The following TBCK variants were observed in gnomAD, a reference collection of about 807,000 sequenced individuals.
TBCK encodes the protein TBC domain-containing protein kinase-like protein.
In TBCK, 99 loss-of-function variants were observed where a neutral mutation model predicts 113.4. That is an observed-to-expected ratio of 0.87 (90% CI 0.74 to 1.03). The LOEUF is 1.03. Ranked by LOEUF, TBCK falls within the 50% of genes least tolerant of loss-of-function variation. The pLI is 0.00. For synonymous variants in TBCK, 369 were observed against 370.8 expected (o/e 1.00, Z 0.05); for missense variants, 1,045 against 1,061.3 (o/e 0.98, Z 0.21).
At chr4:106,241,267 T>C (rs571403099) in intron 12 of TBCK, among the ~76,000 whole-genome samples, 2 of 151,744 alleles carry the variant, frequency 1.3e-5, no homozygotes, top group Admixed American at 1.3e-4. Flanking sequence ...ATAAATGACA[T>C]ATTTATTTAA....
chr4:106,076,303 C>A (rs1055402370), intron 25 of TBCK, among the ~76,000 whole-genome samples: 7 of 152,014 alleles, frequency 4.6e-5, no homozygotes, highest in Admixed American at 6.6e-5. Context: ...TACTTGGAAC[C>A]TAAACATGTG....
intron 24 of TBCK, among the ~76,000 whole-genome samples, chr4:106,111,191 C>T (rs775815565): frequency 1.4e-4 from 21 of 152,060 alleles, no homozygotes; most frequent in Admixed American, 3.9e-4. Context: ...ATGAATTAGC[C>T]GAGGAGCAAT....
intron 25 of TBCK, among the ~76,000 whole-genome samples, chr4:106,068,146 A>ATT (rs1736874367): frequency 6.7e-6 from 1 of 149,866 alleles, no homozygotes; most frequent in South Asian, 2.1e-4. Flanking sequence ...ATTTCTTTTT[A>ATT]TTTTATTTTT....
intron 3 of TBCK, among the ~76,000 whole-genome samples, chr4:106,281,163 A>G (rs1764549717): frequency 6.6e-6 from 1 of 151,692 alleles, no homozygotes; most frequent in African/African-American, 2.4e-5. Context: ...ATTTTATTTT[A>G]TTTGTAGCTA....
At chr4:106,053,849 T>C (rs1461867734) in intron 25 of TBCK, among the ~76,000 whole-genome samples, 1 of 151,746 alleles carries the variant, frequency 6.6e-6, no homozygotes, top group Non-Finnish European at 1.5e-5. Flanking sequence ...ATCTAACTAA[T>C]AAACCTGGAT....
At chr4:106,084,904 C>A (rs1739321173) in intron 25 of TBCK, among the ~76,000 whole-genome samples, 1 of 152,140 alleles carries the variant, frequency 6.6e-6, no homozygotes, top group Non-Finnish European at 1.5e-5. Flanking sequence ...TCATTACCAC[C>A]AGGTCAGTCC....
rs773566416 is a variant in TBCK at position 106,046,594 on chromosome 4, G to A, written c.2658C>T (p.Leu886=). 3 of 1,607,214 alleles carry A rather than the reference G, an allele frequency of 1.9e-6. No homozygotes were observed. The highest frequency in any genetic ancestry group is 4.5e-5 in the East Asian group (2 of 44,816). The change falls in exon 26 of 26, where the codon CTC becomes CTT. Residue 886 remains leucine, a synonymous_variant. Transcript: ENST00000394708. ...TTCATATTTGAGGAGATGGGATGGT[G>A]AGGAGGCCTGTTGGCTTTATTTTAT... ...GINKIKPTGL[L]TIPSPQI is the part of the protein sequence containing the mutation.
At chr4:106,258,989 G>T (rs541677401) in intron 5 of TBCK, among the ~76,000 whole-genome samples, 1 of 151,794 alleles carries the variant, frequency 6.6e-6, no homozygotes, top group Non-Finnish European at 1.5e-5. Flanking sequence ...GTAAGACTAC[G>T]AATTTATGTA....
At chr4:106,285,910 T>A (rs1302304628) in intron 3 of TBCK, among the ~76,000 whole-genome samples, 1 of 152,222 alleles carries the variant, frequency 6.6e-6, no homozygotes, top group African/African-American at 2.4e-5. Context: ...TTGCAGTACA[T>A]CAACTCTACA....
chr4:106,289,559 A>G (rs1765460398), intron 3 of TBCK, among the ~76,000 whole-genome samples: 2 of 152,066 alleles, frequency 1.3e-5, no homozygotes, highest in African/African-American at 4.8e-5. Flanking sequence ...TCATGAGGTC[A>G]GGAGTTCGAG....
At chr4:106,055,167 A>G (rs1461515020) in intron 25 of TBCK, among the ~76,000 whole-genome samples, 1 of 151,596 alleles carries the variant, frequency 6.6e-6, no homozygotes, top group African/African-American at 2.4e-5. Context: ...GCTCCATGCT[A>G]TCATAATCAG....
At chr4:106,295,832 T>C (rs1185671466) in intron 2 of TBCK, among the ~76,000 whole-genome samples, 1 of 152,200 alleles carries the variant, frequency 6.6e-6, no homozygotes, top group East Asian at 1.9e-4. Flanking sequence ...TTTTATGGAT[T>C]CATGACATAC....
In TBCK at chr4:106,213,948, C is replaced by A. The variant is rs1201974747; in HGVS notation, c.1775-1113G>T. 3.3e-5 allele frequency among the ~76,000 whole-genome samples: 5 copies of A among 152,214 alleles called. No individual in the cohort carries two copies. In the South Asian group the frequency reaches 1.0e-3, roughly 31 times the overall value. On this transcript the variant is annotated intron_variant, in intron 19 of 25. Transcript: ENST00000394708. Reference sequence around the variant, plus strand: ...ACAAACAAAAAGACAGCAGTAACCTCTGCAGACTTAAATGTCTCTGTCTGA... The same window carrying A: ...ACAAACAAAAAGACAGCAGTAACCTATGCAGACTTAAATGTCTCTGTCTGA...
intron 9 of TBCK, 187 bp from the exon 10 acceptor site, chr4:106,247,474 T>G: frequency 1.9e-6 from 1 of 515,802 alleles, no homozygotes. Context: ...GAGTAAATAC[T>G]GAATTTTTTT....
At chr4:106,094,980 G>C (rs181080288) in intron 25 of TBCK, among the ~76,000 whole-genome samples, 1 of 152,152 alleles carries the variant, frequency 6.6e-6, no homozygotes, top group East Asian at 1.9e-4. Flanking sequence ...GCTACTCTTT[G>C]TTTTATTTTT....
At chr4:106,219,238 G>T (rs898709622) in intron 19 of TBCK, among the ~76,000 whole-genome samples, 22 of 108,780 alleles carry the variant, frequency 2.0e-4, no homozygotes, top group African/African-American at 7.8e-4. Context: ...GGGGAGGGGG[G>T]AGGGATAGCA....
intron 9 of TBCK, chr4:106,247,530 C>T (rs1020608792): frequency 5.5e-6 from 2 of 361,844 alleles, no homozygotes; most frequent in Non-Finnish European, 9.8e-6. Flanking sequence ...AATATCATTC[C>T]ATAAAAGCTT....
chr4:106,049,649 A>G (rs745351394), intron 25 of TBCK, among the ~76,000 whole-genome samples: 1 of 151,900 alleles, frequency 6.6e-6, no homozygotes, highest in Non-Finnish European at 1.5e-5. Context: ...TTCATTTTTC[A>G]TCTGGCAGGG....
At chr4:106,192,557 CTGA>C (rs1374694151) in intron 22 of TBCK, among the ~76,000 whole-genome samples, 2 of 151,864 alleles carry the variant, frequency 1.3e-5, no homozygotes, top group Non-Finnish European at 2.9e-5. Flanking sequence ...AGTCAGAAAG[CTGA>C]TGATAATAGT....
Sources: gnomAD v4.1 joint callset for allele counts (sites outside exome capture counted in the v4.1 genomes callset) on GRCh38, gnomAD v4.1.1 for gene constraint, MANE v1.5 for transcripts, NCBI Gene and HGNC (gene_info 2026-07-23, HGNC 2026-07-21) for gene names.